GRHL2: variants seen among roughly 807,000 people sequenced by gnomAD.
GRHL2 encodes the protein grainyhead like transcription factor 2.
In GRHL2, 21 loss-of-function variants were observed where a neutral mutation model predicts 83.8. That is an observed-to-expected ratio of 0.25 (90% CI 0.18 to 0.36). The LOEUF (loss-of-function observed/expected upper bound fraction) is 0.36, where lower values mean the gene tolerates loss of function less well. Ranked by LOEUF, GRHL2 falls within the 10% of genes least tolerant of loss-of-function variation. The probability of loss-of-function intolerance (pLI) is 1.00; values close to 1 mark genes in which losing one functional copy is unlikely to be tolerated. For synonymous variants in GRHL2, 280 were observed against 278.9 expected (o/e 1.00, Z -0.04); for missense variants, 623 against 781.8 (o/e 0.80, Z 2.42).
chr8:101,597,927 T>A (rs533502696), intron 7 of GRHL2, among the ~76,000 whole-genome samples: 4 of 152,004 alleles, frequency 2.6e-5, no homozygotes, highest in Admixed American at 2.0e-4. Flanking sequence ...AAATACAGAG[T>A]GCCAGTTAAA....
chr8:101,608,996 G>A (rs959107535), intron 8 of GRHL2, among the ~76,000 whole-genome samples: 1 of 150,506 alleles, frequency 6.6e-6, no homozygotes, highest in African/African-American at 2.5e-5. Flanking sequence ...TGCCACTCAG[G>A]AGAGTGTGAC....
At chr8:101,565,356 AT>A (rs1322450359) in intron 4 of GRHL2, among the ~76,000 whole-genome samples, 14 of 152,226 alleles carry the variant, frequency 9.2e-5, no homozygotes, top group African/African-American at 3.1e-4. Context: ...GAATTTGTTT[AT>A]TCTGTACTAC....
intron 14 of GRHL2, among the ~76,000 whole-genome samples, chr8:101,652,526 G>T (rs866977963): frequency 5.8e-4 from 53 of 91,406 alleles, no homozygotes; most frequent in Admixed American, 9.0e-4. Flanking sequence ...TGTGTGGTGT[G>T]TGTGTGGTGT....
At chr8:101,530,763 A>G (rs1810907250) in intron 1 of GRHL2, among the ~76,000 whole-genome samples, 1 of 152,206 alleles carries the variant, frequency 6.6e-6, no homozygotes, top group South Asian at 2.1e-4. Context: ...CAGGGAGCTT[A>G]CAAACTCCGC....
intron 8 of GRHL2, among the ~76,000 whole-genome samples, chr8:101,604,007 GT>G (rs10578688): frequency 2.1e-4 from 23 of 110,702 alleles, no homozygotes; most frequent in African/African-American, 5.7e-4. Context: ...CCCCTGTTGA[GT>G]TTTTTTTTTG....
intron 1 of GRHL2, among the ~76,000 whole-genome samples, chr8:101,542,439 C>G (rs1484008509): frequency 1.3e-5 from 2 of 151,844 alleles, no homozygotes; most frequent in African/African-American, 4.8e-5. Context: ...CCTGTAATCC[C>G]ACTTACTTGG....
chr8:101,618,030 A>G (rs2130365939), intron 8 of GRHL2, among the ~76,000 whole-genome samples: 1 of 152,344 alleles, frequency 6.6e-6, no homozygotes, highest in Admixed American at 6.5e-5. Context: ...ATTTTATTTT[A>G]AATAAAAAGA....
intron 7 of GRHL2, among the ~76,000 whole-genome samples, chr8:101,588,532 T>A (rs1250312131): frequency 6.6e-6 from 1 of 152,214 alleles, no homozygotes; most frequent in Non-Finnish European, 1.5e-5. Context: ...TTTACCTTCC[T>A]ACGTCACTTA....
chr8:101,606,160 C>T (rs1434335719), intron 8 of GRHL2, among the ~76,000 whole-genome samples: 1 of 152,168 alleles, frequency 6.6e-6, no homozygotes, highest in Non-Finnish European at 1.5e-5. Flanking sequence ...ATTCAACAAA[C>T]AAATCCTCAC....
At chr8:101,517,705 T>C (rs1810599726) in intron 1 of GRHL2, among the ~76,000 whole-genome samples, 1 of 152,214 alleles carries the variant, frequency 6.6e-6, no homozygotes, top group South Asian at 2.1e-4. Flanking sequence ...CACTGACCTT[T>C]GTTTTTTCTT....
At chr8:101,624,994 G>A (rs992720991) in intron 9 of GRHL2, among the ~76,000 whole-genome samples, 5 of 151,964 alleles carry the variant, frequency 3.3e-5, no homozygotes, top group East Asian at 1.9e-4. Context: ...AAACAAAACC[G>A]AACCAAAAAA....
chr8:101,597,736 C>A (rs907068343), intron 7 of GRHL2, among the ~76,000 whole-genome samples: 1 of 151,224 alleles, frequency 6.6e-6, no homozygotes, highest in Non-Finnish European at 1.5e-5. Flanking sequence ...TGCTAAATGA[C>A]AAGTTAATGG....
intron 1 of GRHL2, chr8:101,542,930 TGTG>T: frequency 2.3e-6 from 1 of 442,900 alleles, no homozygotes. Context: ...CTCAACACCA[TGTG>T]GGAGCCCTAC....
downstream of GRHL2, among the ~76,000 whole-genome samples, chr8:101,674,127 C>A (rs560832422): frequency 7.2e-5 from 11 of 152,142 alleles, no homozygotes; most frequent in South Asian, 2.3e-3. Flanking sequence ...AATTGACACC[C>A]TAACGTCACA....
chr8:101,500,148 C>T (rs759759777), intron 1 of GRHL2, among the ~76,000 whole-genome samples: 15 of 151,982 alleles, frequency 9.9e-5, no homozygotes, highest in Non-Finnish European at 1.6e-4. Context: ...AAAAACTAGG[C>T]CTAACCTGAT....
At position 101,554,991 on chromosome 8, in the gene GRHL2, A is replaced by G. The variant is rs182965223; in HGVS notation, c.284+2209A>G. On this transcript the variant is annotated intron_variant, in intron 3 of 15. Coordinates refer to ENST00000646743, the MANE Select transcript of GRHL2 (RefSeq NM_024915.4). ...TGTTATTTTCTGGTGGTATGATAAC[A>G]ATATTCAACTAGATTTATACAATTC... Among the ~76,000 whole-genome samples the G allele has an allele frequency of 2.6e-5, 4 of 152,362 alleles. No individual in the cohort carries two copies. In the East Asian group the frequency reaches 5.8e-4, roughly 22 times the overall value.
Position 101,612,052 on chromosome 8 carries a change from G to A in GRHL2, c.1099-7487G>A, listed in dbSNP as rs530407368. Among the ~76,000 whole-genome samples the A allele has an allele frequency of 2.7e-4, 40 of 150,848 alleles. 1 individual carries two copies. Among genetic ancestry groups the A allele is most frequent in the Admixed American group, 2.4e-3 (36 of 15,210 alleles). On this transcript the variant is annotated intron_variant, in intron 8 of 15. Transcript: ENST00000646743. ...CTAGGCTGGATGGAGTGCAATGGCG[G>A]GATCTCAGCTCACTAAAACCTCTGC...
At chr8:101,574,231 G>A (rs779663305) in intron 6 of GRHL2, among the ~76,000 whole-genome samples, 14 of 152,220 alleles carry the variant, frequency 9.2e-5, no homozygotes, top group Non-Finnish European at 1.5e-4. Context: ...GAATCCCTGG[G>A]CCTGGTGGAA....
chr8:101,597,766 C>T (rs1006689322), intron 7 of GRHL2, among the ~76,000 whole-genome samples: 2 of 151,112 alleles, frequency 1.3e-5, no homozygotes, highest in Admixed American at 1.3e-4. Flanking sequence ...ACCAGCATGG[C>T]ACATGTATAC....
Sources: allele counts gnomAD v4.1 joint callset (sites outside exome capture counted in the v4.1 genomes callset), GRCh38; gene constraint gnomAD v4.1.1; transcripts MANE v1.5; gene names NCBI Gene and HGNC (gene_info 2026-07-23, HGNC 2026-07-21).